ARFGAP3: variants seen among roughly 807,000 people sequenced by gnomAD.
ARFGAP3 encodes the protein ADP-ribosylation factor GTPase-activating protein 3.
ARFGAP3 carries 72 observed loss-of-function variants against 75.0 expected under a neutral mutation model. The observed-to-expected ratio is 0.96, with a 90% confidence interval of 0.79 to 1.17. The LOEUF (loss-of-function observed/expected upper bound fraction) is 1.17. Among genes scored for constraint, ARFGAP3 ranks in the 50% most tolerant of loss-of-function variants. ARFGAP3 has a pLI of 0.00. For synonymous variants in ARFGAP3, 221 were observed against 217.9 expected (o/e 1.01, Z -0.13); for missense variants, 620 against 626.6 (o/e 0.99, Z 0.11).
At chr22:42,846,476 T>C (rs1927024343) in intron 2 of ARFGAP3, among the ~76,000 whole-genome samples, 1 of 152,238 alleles carries the variant, frequency 6.6e-6, no homozygotes, top group Non-Finnish European at 1.5e-5. Context: ...GGTGTCTTCT[T>C]CTGATGCAAA....
chr22:42,838,519 A>G (rs1264872410), intron 3 of ARFGAP3, among the ~76,000 whole-genome samples: 1 of 151,058 alleles, frequency 6.6e-6, no homozygotes, highest in Non-Finnish European at 1.5e-5. Flanking sequence ...CTGGTCTTAC[A>G]CTCCTGGACT....
chr22:42,846,004 C>T (rs1449714328), intron 2 of ARFGAP3, among the ~76,000 whole-genome samples: 3 of 133,676 alleles, frequency 2.2e-5, no homozygotes, highest in African/African-American at 5.8e-5. Flanking sequence ...CGCCATTGCA[C>T]TCCAGCTTGG....
intron 11 of ARFGAP3, among the ~76,000 whole-genome samples, chr22:42,815,860 C>T (rs1925555945): frequency 6.6e-6 from 1 of 152,222 alleles, no homozygotes; most frequent in Admixed American, 6.5e-5. Context: ...TGCCTGTAAT[C>T]TCAGCACTTT....
At chr22:42,846,804 T>G (rs1927040857) in intron 2 of ARFGAP3, among the ~76,000 whole-genome samples, 1 of 152,252 alleles carries the variant, frequency 6.6e-6, no homozygotes, top group Non-Finnish European at 1.5e-5. Context: ...GTCTGTACTT[T>G]GTACTGCCGA....
chr22:42,851,457 G>T (rs191890985), intron 1 of ARFGAP3, among the ~76,000 whole-genome samples: 18 of 151,148 alleles, frequency 1.2e-4, no homozygotes, highest in Non-Finnish European at 1.5e-4. Context: ...AGCCCCATGA[G>T]GGGGGGGCCA....
At chr22:42,802,054 T>G (rs895687646) in intron 14 of ARFGAP3, among the ~76,000 whole-genome samples, 1 of 152,048 alleles carries the variant, frequency 6.6e-6, no homozygotes, top group African/African-American at 2.4e-5. Context: ...GAGCTGTGCT[T>G]CAAGCTGAGG....
intron 5 of ARFGAP3, among the ~76,000 whole-genome samples, chr22:42,832,702 T>G (rs1381939260): frequency 6.6e-6 from 1 of 152,014 alleles, no homozygotes; most frequent in Non-Finnish European, 1.5e-5. Flanking sequence ...GGCTAAATAG[T>G]AGGCCCGGTG....
At chr22:42,820,521 G>A (rs1480620870) in intron 9 of ARFGAP3, among the ~76,000 whole-genome samples, 1 of 152,168 alleles carries the variant, frequency 6.6e-6, no homozygotes, top group Non-Finnish European at 1.5e-5. Context: ...CTATGTGCCA[G>A]GTACTGTTTG....
At chr22:42,843,449 G>T (rs1016554280) in intron 2 of ARFGAP3, among the ~76,000 whole-genome samples, 18 of 152,040 alleles carry the variant, frequency 1.2e-4, no homozygotes, top group Non-Finnish European at 2.5e-4. Context: ...TGCCCAGGTT[G>T]GTCTTAAACT....
At position 42,850,972 on chromosome 22, in the gene ARFGAP3, C is replaced by T. The variant is rs184126456; in HGVS notation, c.70-3340G>A. ...GGGAAGACAGACGCGCAAATTCAAA[C>T]GCCCTGTGGTGATGGCCATTAGGAG... On this transcript the variant is annotated intron_variant, in intron 1 of 15. Transcript: ENST00000263245. Among the ~76,000 whole-genome samples, 16 of 152,310 alleles carry T rather than the reference C, an allele frequency of 1.1e-4. 2 individuals are homozygous for T. The South Asian group carries it at 1.4e-3, about 14-fold the overall frequency.
At chr22:42,822,453 G>A in intron 8 of ARFGAP3, 44 bp from the exon 9 acceptor site, 4 of 1,597,904 alleles carry the variant, frequency 2.5e-6, no homozygotes, top group Non-Finnish European at 3.4e-6. Context: ...CTGTTTGAAA[G>A]CTTCTGTGAC....
intron 4 of ARFGAP3, 27 bp from the exon 5 acceptor site, chr22:42,834,352 G>A (rs1926429126): frequency 1.2e-6 from 2 of 1,608,600 alleles, no homozygotes; most frequent in Non-Finnish European, 1.7e-6. Context: ...ACACAGGGCT[G>A]AGCATTTCAT....
chr22:42,839,855 T>C (rs1926701933), intron 3 of ARFGAP3, among the ~76,000 whole-genome samples: 1 of 152,204 alleles, frequency 6.6e-6, no homozygotes, highest in Non-Finnish European at 1.5e-5. Flanking sequence ...AGAGGGGATC[T>C]TGATTATTTT....
At chr22:42,798,403 A>G (rs1025730210) in intron 15 of ARFGAP3, among the ~76,000 whole-genome samples, 2 of 152,230 alleles carry the variant, frequency 1.3e-5, no homozygotes, top group Admixed American at 1.3e-4. Context: ...ACATTAATAC[A>G]ATCCTTCTTC....
At chr22:42,803,101 T>C (rs1194777820) in intron 14 of ARFGAP3, among the ~76,000 whole-genome samples, 1 of 152,194 alleles carries the variant, frequency 6.6e-6, no homozygotes, top group East Asian at 1.9e-4. Flanking sequence ...GTTCAAGTGA[T>C]CCTCCTGCCT....
intron 15 of ARFGAP3, among the ~76,000 whole-genome samples, chr22:42,798,499 G>A (rs1477062308): frequency 2.0e-5 from 3 of 151,804 alleles, no homozygotes; most frequent in East Asian, 1.9e-4. Context: ...GCAAGTATGC[G>A]CCATCCTTGG....
chr22:42,807,193 G>A (rs1925165297), intron 13 of ARFGAP3, 30 bp from the exon 14 acceptor site: 2 of 1,586,912 alleles, frequency 1.3e-6, no homozygotes, highest in East Asian at 4.5e-5. Context: ...GGAAATGTTA[G>A]GCTCCAAAGA....
chr22:42,846,286 G>C (rs1051210184), intron 2 of ARFGAP3, among the ~76,000 whole-genome samples: 2 of 152,234 alleles, frequency 1.3e-5, no homozygotes, highest in African/African-American at 2.4e-5. Context: ...GTTTGAGGGT[G>C]CTCTGCACAA....
At chr22:42,810,671 G>C in intron 12 of ARFGAP3, 142 bp downstream of exon 12, 1 of 709,494 alleles carries the variant, frequency 1.4e-6, no homozygotes, top group East Asian at 2.5e-5. Flanking sequence ...CTTTGACCTC[G>C]GCCTCTTAAA....
Sources: gnomAD v4.1 joint callset for allele counts (sites outside exome capture counted in the v4.1 genomes callset) on GRCh38, gnomAD v4.1.1 for gene constraint, MANE v1.5 for transcripts, NCBI Gene and HGNC (gene_info 2026-07-23, HGNC 2026-07-21) for gene names.